FAM135B: variants seen among roughly 807,000 people sequenced by gnomAD.
The protein encoded by FAM135B is protein FAM135B.
Under a neutral mutation model 127.7 loss-of-function variants are expected in FAM135B, and 43 were observed. That is an observed-to-expected ratio of 0.34 (90% CI 0.26 to 0.43). The LOEUF (loss-of-function observed/expected upper bound fraction) is 0.43. Among genes scored for constraint, FAM135B ranks in the 20% least tolerant of loss-of-function variants. FAM135B has a pLI of 1.00. For missense variants in FAM135B, 1,558 were observed against 1,725.6 expected (o/e 0.90, Z 1.72); for synonymous variants, 670 against 665.1 (o/e 1.01, Z -0.11).
At chr8:138,139,124 C>T in intron 17 of FAM135B, 28 bp from the exon 18 acceptor site, 1 of 1,481,636 alleles carries the variant, frequency 6.7e-7, no homozygotes, top group Middle Eastern at 1.7e-4. Flanking sequence ...AAATAAAAAT[C>T]AAAAACACAA....
chr8:138,442,325 T>C (rs1273930679), intron 1 of FAM135B, among the ~76,000 whole-genome samples: 2 of 143,324 alleles, frequency 1.4e-5, no homozygotes, highest in Non-Finnish European at 3.0e-5. Flanking sequence ...AATGTATATG[T>C]TTGGTTGTGT....
At chr8:138,183,964 A>G (rs1266913114) in intron 9 of FAM135B, among the ~76,000 whole-genome samples, 1 of 152,238 alleles carries the variant, frequency 6.6e-6, no homozygotes, top group Non-Finnish European at 1.5e-5. Flanking sequence ...TTCACGGCTC[A>G]GTGGAGCAGG....
At chr8:138,389,170 TAA>T (rs2131317735) in intron 1 of FAM135B, among the ~76,000 whole-genome samples, 1 of 152,312 alleles carries the variant, frequency 6.6e-6, no homozygotes, top group African/African-American at 2.4e-5. Flanking sequence ...GACAAGAATG[TAA>T]AGACATTGGA....
intron 1 of FAM135B, among the ~76,000 whole-genome samples, chr8:138,386,790 C>A (rs1356656048): frequency 1.3e-5 from 2 of 152,108 alleles, no homozygotes; most frequent in African/African-American, 4.8e-5. Context: ...TCATTCAATC[C>A]GTGAGCAAAT....
At chr8:138,213,790 C>A (rs1294888138) in intron 7 of FAM135B, among the ~76,000 whole-genome samples, 1 of 152,106 alleles carries the variant, frequency 6.6e-6, no homozygotes, top group Admixed American at 6.6e-5. Context: ...AAGCAGCAAG[C>A]TCCGCTAGGC....
rs1180715939 is a variant in FAM135B at position 138,143,073 on chromosome 8, G to A, written c.3577C>T (p.Arg1193Trp). The A allele has an allele frequency of 2.5e-6, 4 of 1,609,290 alleles. No homozygotes were observed. Among genetic ancestry groups the A allele is most frequent in the Admixed American group, 1.7e-5 (1 of 59,990 alleles). The change falls in exon 16 of 20, where the codon CGG (arginine) becomes TGG (tryptophan). Residue 1193 changes from arginine (R) to tryptophan (W), a missense_variant. By Grantham distance (101) the Arg-to-Trp change is moderately radical (BLOSUM62 -3). Around this residue, in one of 5 missense-constraint regions of FAM135B, gnomAD observed 194 missense variants for 333.8 expected, o/e 0.58. Transcript: ENST00000395297. ...TGTTGAATGATTTCATCCAATAACC[G>A]ATCCGTCATAGTATCAAAATCTGCA... is the stretch of plus-strand genomic sequence containing the variant. ...TFADFDTMTD[R>W]LLDEIIQHIQ...
chr8:138,189,473 C>T (rs183351137), intron 9 of FAM135B, among the ~76,000 whole-genome samples: 325 of 152,346 alleles, frequency 2.1e-3, no homozygotes, highest in African/African-American at 7.3e-3. Context: ...AAGCAACCAC[C>T]TCATGCGAAA....
intron 2 of FAM135B, among the ~76,000 whole-genome samples, chr8:138,342,226 A>G (rs577519581): frequency 6.6e-6 from 1 of 152,358 alleles, no homozygotes; most frequent in African/African-American, 2.4e-5. Context: ...AGACAGAACC[A>G]TGATTCAATT....
intron 9 of FAM135B, among the ~76,000 whole-genome samples, chr8:138,194,704 TAA>T (rs1181051110): frequency 6.6e-6 from 1 of 152,146 alleles, no homozygotes; most frequent in Admixed American, 6.5e-5. Context: ...CATAGAGAAA[TAA>T]GAGTACCCAC....
chr8:138,386,459 T>C (rs1832223970), intron 1 of FAM135B, among the ~76,000 whole-genome samples: 1 of 152,124 alleles, frequency 6.6e-6, no homozygotes, highest in Non-Finnish European at 1.5e-5. Context: ...GATGAGCTCT[T>C]GGAAGACATG....
At chr8:138,135,293 C>T (rs1483364841) in intron 19 of FAM135B, among the ~76,000 whole-genome samples, 2 of 152,144 alleles carry the variant, frequency 1.3e-5, no homozygotes, top group African/African-American at 4.8e-5. Context: ...TAGCAAATCC[C>T]TGCACAAAGA....
intron 7 of FAM135B, among the ~76,000 whole-genome samples, chr8:138,223,039 C>A (rs991659125): frequency 1.3e-5 from 2 of 152,138 alleles, no homozygotes; most frequent in South Asian, 4.2e-4. Context: ...AGATTAGGTA[C>A]ACAGGTGTTA....
chr8:138,402,035 G>A (rs1487022138), intron 1 of FAM135B, among the ~76,000 whole-genome samples: 2 of 152,072 alleles, frequency 1.3e-5, no homozygotes, highest in Non-Finnish European at 2.9e-5. Context: ...GTGTGAGGAG[G>A]GTGGGAGGTG....
intron 11 of FAM135B, among the ~76,000 whole-genome samples, chr8:138,174,942 T>C (rs1814302423): frequency 6.6e-6 from 1 of 152,190 alleles, no homozygotes; most frequent in East Asian, 1.9e-4. Context: ...TATTCACTGT[T>C]GAATATCCAG....
At chr8:138,418,826 C>T (rs1834317807) in intron 1 of FAM135B, among the ~76,000 whole-genome samples, 1 of 149,688 alleles carries the variant, frequency 6.7e-6, no homozygotes, top group South Asian at 2.1e-4. Flanking sequence ...TCACATCAGC[C>T]TTACTAGAAG....
intron 1 of FAM135B, among the ~76,000 whole-genome samples, chr8:138,422,356 A>C (rs565769538): frequency 2.6e-5 from 4 of 152,248 alleles, no homozygotes; most frequent in Admixed American, 6.5e-5. Context: ...TGGAGAGAAT[A>C]TTTGCAAACT....
At chr8:138,220,461 G>A (rs940850293) in intron 7 of FAM135B, among the ~76,000 whole-genome samples, 2 of 152,128 alleles carry the variant, frequency 1.3e-5, no homozygotes, top group Admixed American at 6.5e-5. Context: ...TGTCCTGCAC[G>A]ACTGCTTACC....
At chr8:138,213,458 G>C (rs1333059588) in intron 7 of FAM135B, among the ~76,000 whole-genome samples, 1 of 151,822 alleles carries the variant, frequency 6.6e-6, no homozygotes, top group African/African-American at 2.4e-5. Context: ...ATGGAGGAAT[G>C]GGAGAGGATG....
intron 2 of FAM135B, among the ~76,000 whole-genome samples, chr8:138,357,138 A>G (rs887063137): frequency 5.9e-5 from 9 of 151,794 alleles, no homozygotes; most frequent in Non-Finnish European, 8.8e-5. Context: ...ATCAATAGAG[A>G]ATAGTTTCCT....
Sources: gnomAD v4.1 joint callset for allele counts (sites outside exome capture counted in the v4.1 genomes callset) on GRCh38, gnomAD v4.1.1 for gene constraint, gnomAD v4.1.1 regional missense constraint, MANE v1.5 for transcripts, NCBI Gene and HGNC (gene_info 2026-07-23, HGNC 2026-07-21) for gene names.